SEZ6L2: variants seen among roughly 807,000 people sequenced by gnomAD.
SEZ6L2 encodes the protein seizure related 6 homolog like 2, also known as seizure 6-like protein 2.
SEZ6L2 carries 44 observed loss-of-function variants against 97.0 expected under a neutral mutation model. The ratio of observed to expected loss-of-function variants is 0.45; its 90% confidence interval spans 0.36 to 0.58. The LOEUF (loss-of-function observed/expected upper bound fraction) is 0.58. Ranked by LOEUF, SEZ6L2 falls within the 20% of genes least tolerant of loss-of-function variation. The probability of loss-of-function intolerance (pLI) is 0.00; values close to 1 mark genes in which losing one functional copy is unlikely to be tolerated. For synonymous variants in SEZ6L2, 543 were observed against 546.1 expected, an observed-to-expected ratio of 0.99 and a Z score of 0.08; for missense variants, 1,086 against 1,233.3, an observed-to-expected ratio of 0.88 and a Z score of 1.79.
intron 5 of SEZ6L2, among the ~76,000 whole-genome samples, chr16:29,891,287 C>T (rs986846937): frequency 5.1e-4 from 77 of 150,022 alleles, no homozygotes; most frequent in Admixed American, 1.1e-3. Flanking sequence ...TGGTCTTGAA[C>T]TCCTGACCTC....
At chr16:29,882,414 T>TA (rs2068049142) in intron 8 of SEZ6L2, among the ~76,000 whole-genome samples, 1 of 151,212 alleles carries the variant, frequency 6.6e-6, no homozygotes, top group African/African-American at 2.4e-5. Flanking sequence ...CCGTCTCTAC[T>TA]AAAAACACAA....
intron 5 of SEZ6L2, among the ~76,000 whole-genome samples, chr16:29,889,812 G>A (rs2068232948): frequency 6.6e-6 from 1 of 151,402 alleles, no homozygotes; most frequent in South Asian, 2.1e-4. Context: ...ATTTTTTGTA[G>A]AGATGACATC....
Position 29,899,230 on chromosome 16 carries a change from C to G in SEZ6L2, c.-211G>C. The G allele has an allele frequency of 1.8e-6, 1 of 560,136 alleles. No individual in the cohort carries two copies. The highest frequency in any genetic ancestry group is 3.1e-6 in the Non-Finnish European group (1 of 319,066). 34.7% of individuals were successfully genotyped at this position (560,136 alleles called of 1,614,324 possible). On this transcript the variant is annotated 5_prime_UTR_variant, in exon 1 of 18. Coordinates refer to ENST00000617533, the MANE Select transcript of SEZ6L2 (RefSeq NM_001243332.2). ...CGCCTGGAGCCCACCCCCCTTTGCT[C>G]AGTCTCCTCTGTCCTCTTCTCGCGG...
chr16:29,898,357 C>T (rs529311708), intron 1 of SEZ6L2, among the ~76,000 whole-genome samples: 4 of 152,256 alleles, frequency 2.6e-5, no homozygotes, highest in Non-Finnish European at 5.9e-5. Flanking sequence ...GCCGCACCTC[C>T]CAGCCCTTGC....
Position 29,879,980 on chromosome 16 carries a change from A to C in SEZ6L2, c.1457T>G (p.Leu486Arg). ...TCCTGGGAGGCACGAGAAGGTTGCC[A>C]GTGCCCCTGGGCGATACTCAGGGTC... ...TTDPEYRPGA[L>R]ATFSCLPGYA... The change falls in exon 9 of 18, where the codon CTG becomes CGG. Residue 486 changes from leucine to arginine, a missense_variant. By Grantham distance (102) the Leu-to-Arg change is moderately radical (BLOSUM62 -2). Transcript: ENST00000617533. The C allele has an allele frequency of 1.2e-6, 2 of 1,614,224 alleles. No individual in the cohort carries two copies. Among genetic ancestry groups the C allele is most frequent in the Non-Finnish European group, 1.7e-6 (2 of 1,180,042 alleles).
rs1334899718 is a variant in SEZ6L2 at position 29,885,571 on chromosome 16, G to C, written c.1372+15C>G. On this transcript the variant is annotated intron_variant, in intron 8 of 17. Transcript: ENST00000617533. ...GTGTGGCGGTTGGGGTCCTGTGGGGGAGTGGGTCACTTACCTTCAAATCGA... is the reference window on the plus strand; with the variant it reads ...GTGTGGCGGTTGGGGTCCTGTGGGGCAGTGGGTCACTTACCTTCAAATCGA... 5.0e-6 allele frequency: 8 copies of C among 1,609,304 alleles called. No homozygotes were observed. In the African/African-American group the frequency reaches 9.4e-5, roughly 19 times the overall value.
chr16:29,894,654 C>T (rs2068341076), intron 5 of SEZ6L2, among the ~76,000 whole-genome samples: 1 of 152,178 alleles, frequency 6.6e-6, no homozygotes, highest in Non-Finnish European at 1.5e-5. Flanking sequence ...GCCAGATTTA[C>T]ACCTGGTTTG....
intron 15 of SEZ6L2, 52 bp downstream of exon 15, chr16:29,872,653 C>A (rs2067809221): frequency 3.1e-6 from 5 of 1,607,616 alleles, no homozygotes; most frequent in Non-Finnish European, 4.3e-6. Context: ...CCAGCCTCTG[C>A]CTTGCCCTCC....
At position 29,896,915 on chromosome 16, in the gene SEZ6L2, G is replaced by A. The variant is rs1200209214; in HGVS notation, c.418C>T (p.Pro140Ser). The A allele has an allele frequency of 6.2e-7, 1 of 1,612,958 alleles. No homozygotes were observed. Among genetic ancestry groups the A allele is most frequent in the South Asian group, 1.1e-5 (1 of 91,068 alleles). ...CCCTCAGGCCCAAGGGGAGGCCCTGGGGAGGCAGGGCTGGGTGGGGGTGGG... is the reference window on the plus strand; with the variant it reads ...CCCTCAGGCCCAAGGGGAGGCCCTGAGGAGGCAGGGCTGGGTGGGGGTGGG... Reference protein sequence around the residue: ...TAPPPPSPASPGPPLGPEGGE... With the variant: ...TAPPPPSPASSGPPLGPEGGE... The change falls in exon 3 of 18, where the codon CCA (proline) becomes TCA (serine). Residue 140 changes from proline to serine, a missense_variant. By Grantham distance (74) the Pro-to-Ser change is moderately conservative. This residue lies in a region of SEZ6L2 where 776 missense variants were observed against 794.7 expected (regional missense o/e 0.98). Coordinates refer to ENST00000617533, the MANE Select transcript of SEZ6L2 (RefSeq NM_001243332.2).
chr16:29,871,695 G>C lies in SEZ6L2; in HGVS notation c.*4C>G. 1 of 1,608,900 alleles carries C rather than the reference G, an allele frequency of 6.2e-7. No homozygotes were observed. Among genetic ancestry groups the C allele is most frequent in the South Asian group, 1.1e-5 (1 of 89,964 alleles). On this transcript the variant is annotated 3_prime_UTR_variant, in exon 18 of 18. Coordinates refer to ENST00000617533, the MANE Select transcript of SEZ6L2 (RefSeq NM_001243332.2). ...CCTGGGTCCTGCAGCTGTAGTCTTGGGGTTCAGATGGAAACTTCATACTCC... is the reference window on the plus strand; with the variant it reads ...CCTGGGTCCTGCAGCTGTAGTCTTGCGGTTCAGATGGAAACTTCATACTCC...
intron 8 of SEZ6L2, among the ~76,000 whole-genome samples, chr16:29,882,016 G>T (rs977971932): frequency 1.3e-5 from 2 of 150,508 alleles, no homozygotes; most frequent in African/African-American, 4.9e-5. Flanking sequence ...TGTCGCCCAG[G>T]CTGGAGTGCA....
chr16:29,898,016 T>G, intron 1 of SEZ6L2, 32 bp from the exon 2 acceptor site: 1 of 1,611,472 alleles, frequency 6.2e-7, no homozygotes, highest in Non-Finnish European at 8.5e-7. Context: ...GCTTCTCCAC[T>G]TCCCCACACC....
intron 3 of SEZ6L2, among the ~76,000 whole-genome samples, chr16:29,896,546 G>A (rs921655002): frequency 6.6e-6 from 1 of 152,138 alleles, no homozygotes; most frequent in African/African-American, 2.4e-5. Context: ...CCAAAGTGCT[G>A]GGATTACAGG....
At position 29,876,994 on chromosome 16, in the gene SEZ6L2, CG is replaced by C. The variant is rs778979578; in HGVS notation, c.1910-45del. 1 of 1,553,540 alleles carries C rather than the reference CG, an allele frequency of 6.4e-7. No homozygotes were observed. The highest frequency in any genetic ancestry group is 1.2e-5 in the South Asian group (1 of 86,466). On this transcript the variant is annotated intron_variant, in intron 11 of 17. Transcript: ENST00000617533. This position sits in a 1 kb window ranked among gnomAD's most constrained non-coding sequence, Gnocchi z 6.5. ...GAGTTTGGAGGCTGCGTTTTAACTGCGGGCTCCCTTCCAGCCTCGGAGGCTT... is the reference window on the plus strand; with the variant it reads ...GAGTTTGGAGGCTGCGTTTTAACTGCGGCTCCCTTCCAGCCTCGGAGGCTT...
Position 29,877,418 on chromosome 16 carries a change from G to C in SEZ6L2, c.1762C>G (p.Pro588Ala). 1 of 1,611,292 alleles carries C rather than the reference G, an allele frequency of 6.2e-7. No homozygotes were observed. Among genetic ancestry groups the C allele is most frequent in the Admixed American group, 1.7e-5 (1 of 59,484 alleles). Reference protein sequence around the residue: ...DMLTLFDGDGPSARVLAQLRG... With the variant: ...DMLTLFDGDGASARVLAQLRG... The stretch of plus-strand genomic sequence containing the variant: ...AGCTGGGCCAAGACTCGGGCGCTGG[G>C]ACCGTCCCCGTCGAACAGCGTCAGC... Residue 588 changes from proline to alanine, a missense_variant, in exon 11 of 18, where the codon CCC becomes GCC. Physicochemically the swap from Pro to Ala is conservative, Grantham distance 27. Around this residue, in one of 2 missense-constraint regions of SEZ6L2, gnomAD observed 776 missense variants for 794.7 expected, o/e 0.98. Transcript: ENST00000617533.
chr16:29,871,542 A>C lies in SEZ6L2; in HGVS notation c.*157T>G, dbSNP rs571095675. 2.7e-6 allele frequency: 2 copies of C among 744,682 alleles called. No homozygotes were observed. The highest frequency in any genetic ancestry group is 1.7e-5 in the African/African-American group (1 of 57,570). 46.1% of individuals were successfully genotyped at this position (744,682 alleles called of 1,614,324 possible). A position where few individuals can be genotyped will look rare whatever the true frequency, so the allele number is the denominator to read the frequency against. On this transcript the variant is annotated 3_prime_UTR_variant, in exon 18 of 18. Transcript: ENST00000617533. ...AGGATGCTGGTTTATTTACTGTAGGATCTCCAGGGCCATCAAAGCCCCCTC... is the reference window on the plus strand; with the variant it reads ...AGGATGCTGGTTTATTTACTGTAGGCTCTCCAGGGCCATCAAAGCCCCCTC...
At chr16:29,884,138 T>G (rs1187943399) in intron 8 of SEZ6L2, among the ~76,000 whole-genome samples, 6 of 152,088 alleles carry the variant, frequency 3.9e-5, no homozygotes, top group Non-Finnish European at 8.8e-5. Flanking sequence ...GAAGGCCACG[T>G]GAGGCAGATT....
rs1057335935 is a variant in SEZ6L2 at position 29,888,552 on chromosome 16, G to A, written c.1027C>T (p.Pro343Ser). 2 of 1,613,694 alleles carry A rather than the reference G, an allele frequency of 1.2e-6. No homozygotes were observed. Among genetic ancestry groups the A allele is most frequent in the African/African-American group, 2.7e-5 (2 of 74,866 alleles). Residue 343 changes from proline to serine, a missense_variant, in exon 6 of 18, where the codon CCC (proline) becomes TCC (serine). By Grantham distance (74) the Pro-to-Ser change is moderately conservative. Coordinates refer to ENST00000617533, the MANE Select transcript of SEZ6L2 (RefSeq NM_001243332.2). ...GTRPSWNGET[P>S]SCMASCGGTI... The stretch of plus-strand genomic sequence containing the variant: ...GCAGGAGACTCACCCATGCAGCTGG[G>A]GGTTTCACCGTTCCAGGATGGCCGG...
At chr16:29,888,199 G>A (rs752453032) in intron 6 of SEZ6L2, among the ~76,000 whole-genome samples, 3 of 152,066 alleles carry the variant, frequency 2.0e-5, no homozygotes, top group Admixed American at 2.0e-4. Context: ...CCAGTAAGAG[G>A]CTCTCTAGGA....
Sources: allele counts gnomAD v4.1 joint callset (sites outside exome capture counted in the v4.1 genomes callset), GRCh38; gene constraint gnomAD v4.1.1; regional missense constraint gnomAD v4.1.1; non-coding constraint Gnocchi (gnomAD v3.1); transcripts MANE v1.5; gene names NCBI Gene and HGNC (gene_info 2026-07-23, HGNC 2026-07-21).